EFR3A: variants seen among roughly 807,000 people sequenced by gnomAD.
The protein encoded by EFR3A is protein EFR3 homolog A.
A neutral mutation model predicts 104.4 loss-of-function variants in EFR3A; 76 were observed. The ratio of observed to expected loss-of-function variants is 0.73; its 90% confidence interval spans 0.60 to 0.88. The LOEUF (loss-of-function observed/expected upper bound fraction) is 0.88, where lower values mean the gene tolerates loss of function less well. Ranked by LOEUF, EFR3A falls within the 40% of genes least tolerant of loss-of-function variation. The pLI is 0.00. For synonymous variants in EFR3A, 330 were observed against 330.0 expected, an observed-to-expected ratio of 1.00 and a Z score of 0.00; for missense variants, 985 against 1,012.5, an observed-to-expected ratio of 0.97 and a Z score of 0.37.
chr8:131,965,831 A>C (rs1193259561), intron 8 of EFR3A, among the ~76,000 whole-genome samples: 5 of 152,024 alleles, frequency 3.3e-5, no homozygotes, highest in Non-Finnish European at 7.4e-5. Flanking sequence ...ACAATGATAG[A>C]CTGGATTAAG....
At chr8:131,917,489 A>G (rs192072719) in intron 1 of EFR3A, among the ~76,000 whole-genome samples, 3 of 152,364 alleles carry the variant, frequency 2.0e-5, no homozygotes, top group African/African-American at 7.2e-5. Context: ...TTCAGGGAAG[A>G]TTAGAGAGGG....
At chr8:131,989,991 A>G (rs559231511) in intron 18 of EFR3A, among the ~76,000 whole-genome samples, 2 of 152,326 alleles carry the variant, frequency 1.3e-5, no homozygotes, top group East Asian at 1.9e-4. Flanking sequence ...TGAGGGGAAA[A>G]CAGTAGTGTC....
intron 18 of EFR3A, among the ~76,000 whole-genome samples, chr8:131,993,735 A>G (rs919429977): frequency 3.3e-5 from 5 of 152,112 alleles, no homozygotes; most frequent in African/African-American, 1.2e-4. Flanking sequence ...CATCTCTGCA[A>G]AAAGTTAAAA....
At chr8:131,928,307 C>T (rs1042829335) in intron 1 of EFR3A, among the ~76,000 whole-genome samples, 2 of 151,978 alleles carry the variant, frequency 1.3e-5, no homozygotes, top group Admixed American at 6.6e-5. Context: ...CTTATACGTT[C>T]GACATTAAAT....
intron 8 of EFR3A, among the ~76,000 whole-genome samples, chr8:131,961,029 CAG>C (rs1819290578): frequency 6.6e-6 from 1 of 152,148 alleles, no homozygotes; most frequent in African/African-American, 2.4e-5. Flanking sequence ...AGCTAACAAA[CAG>C]AAAGGACATC....
intron 8 of EFR3A, among the ~76,000 whole-genome samples, chr8:131,965,828 T>C (rs1819684443): frequency 2.0e-5 from 3 of 152,064 alleles, no homozygotes; most frequent in Non-Finnish European, 4.4e-5. Context: ...CCAACAATGA[T>C]AGACTGGATT....
At chr8:132,007,444 A>G (rs1822109262) in intron 22 of EFR3A, among the ~76,000 whole-genome samples, 1 of 151,958 alleles carries the variant, frequency 6.6e-6, no homozygotes, top group Non-Finnish European at 1.5e-5. Context: ...TCTGTTATGA[A>G]TATAAAACAT....
chr8:131,931,428 A>G (rs1341665999), intron 1 of EFR3A, among the ~76,000 whole-genome samples: 1 of 152,142 alleles, frequency 6.6e-6, no homozygotes, highest in East Asian at 1.9e-4. Context: ...TTAGGTATAT[A>G]TAGTTATACC....
intron 8 of EFR3A, among the ~76,000 whole-genome samples, chr8:131,967,651 T>G (rs1296179912): frequency 6.6e-6 from 1 of 151,998 alleles, no homozygotes; most frequent in Non-Finnish European, 1.5e-5. Context: ...TAGGCCCCAA[T>G]ATCATTCACT....
At chr8:131,977,734 T>C (rs186434051) in intron 12 of EFR3A, among the ~76,000 whole-genome samples, 1 of 152,300 alleles carries the variant, frequency 6.6e-6, no homozygotes, top group East Asian at 1.9e-4. Flanking sequence ...CTCTCTCAAG[T>C]GCAGAAATAC....
chr8:131,926,423 AT>A (rs1236243144), intron 1 of EFR3A, among the ~76,000 whole-genome samples: 1 of 152,176 alleles, frequency 6.6e-6, no homozygotes, highest in African/African-American at 2.4e-5. Flanking sequence ...AATTGAAGAA[AT>A]AAAAAAAATT....
intron 1 of EFR3A, among the ~76,000 whole-genome samples, chr8:131,917,001 C>T (rs1816772251): frequency 6.6e-6 from 1 of 152,186 alleles, no homozygotes; most frequent in Admixed American, 6.5e-5. Context: ...AGGATGTAAA[C>T]TGTAAATTGT....
At chr8:132,004,299 A>G (rs1239742304) in intron 22 of EFR3A, among the ~76,000 whole-genome samples, 1 of 152,226 alleles carries the variant, frequency 6.6e-6, no homozygotes, top group Non-Finnish European at 1.5e-5. Context: ...CCTATTAGGA[A>G]CCAGGCTCCA....
intron 2 of EFR3A, among the ~76,000 whole-genome samples, chr8:131,942,969 A>G (rs1476282543): frequency 6.6e-6 from 1 of 152,028 alleles, no homozygotes; most frequent in Admixed American, 6.6e-5. Context: ...AGAGGGAGAG[A>G]TGGCCTGCAA....
chr8:131,926,715 G>T (rs763877250), intron 1 of EFR3A, among the ~76,000 whole-genome samples: 1 of 151,982 alleles, frequency 6.6e-6, no homozygotes, highest in Non-Finnish European at 1.5e-5. Context: ...AGTCTCCTGG[G>T]CTCAGGTGAT....
At chr8:131,919,645 A>G (rs1816907441) in intron 1 of EFR3A, among the ~76,000 whole-genome samples, 1 of 151,662 alleles carries the variant, frequency 6.6e-6, no homozygotes, top group Non-Finnish European at 1.5e-5. Context: ...GTATGAGGAA[A>G]CTTGATTTTT....
intron 2 of EFR3A, among the ~76,000 whole-genome samples, chr8:131,941,927 G>A (rs1482308841): frequency 6.6e-6 from 1 of 152,098 alleles, no homozygotes; most frequent in Non-Finnish European, 1.5e-5. Context: ...ATTGTAGAGT[G>A]TAAGGGTGGT....
chr8:131,921,283 A>G (rs28558186), intron 1 of EFR3A, among the ~76,000 whole-genome samples: 25,872 of 152,000 alleles, frequency 0.17, 2,451 homozygotes, highest in East Asian at 0.33. Flanking sequence ...TGGCTTTTAT[A>G]TAGCCATCTA....
intron 10 of EFR3A, among the ~76,000 whole-genome samples, chr8:131,972,862 T>C (rs1305457890): frequency 2.0e-5 from 3 of 152,084 alleles, no homozygotes; most frequent in African/African-American, 7.2e-5. Context: ...AATACAGAGT[T>C]TCTCTTGGTC....
Sources: gnomAD v4.1 joint callset for allele counts (sites outside exome capture counted in the v4.1 genomes callset) on GRCh38, gnomAD v4.1.1 for gene constraint, MANE v1.5 for transcripts, NCBI Gene and HGNC (gene_info 2026-07-23, HGNC 2026-07-21) for gene names.